Variants in GRM5 observed in about 807,000 individuals in gnomAD.
GRM5 encodes glutamate metabotropic receptor 5.
A neutral mutation model predicts 83.1 loss-of-function variants in GRM5; 19 were observed. The ratio of observed to expected loss-of-function variants is 0.23; its 90% CI spans 0.16 to 0.34. The LOEUF (loss-of-function observed/expected upper bound fraction) is 0.34, where lower values mean the gene tolerates loss of function less well. GRM5 is among the 10% of genes least tolerant of loss of function. GRM5 has a pLI of 1.00. For synonymous variants in GRM5, 675 were observed against 633.6 expected (o/e 1.07, Z -0.98); for missense variants, 1,160 against 1,588.3 (o/e 0.73, Z 4.58).
chr11:88,900,934 A>T (rs1945304325), intron 2 of GRM5, among the ~76,000 whole-genome samples: 1 of 152,190 alleles, frequency 6.6e-6, no homozygotes, highest in Non-Finnish European at 1.5e-5. Context: ...TATTCCTAGT[A>T]TTGCCAACTA....
chr11:88,828,242 A>G (rs1186562011), intron 3 of GRM5, among the ~76,000 whole-genome samples: 2 of 152,192 alleles, frequency 1.3e-5, no homozygotes, highest in Non-Finnish European at 2.9e-5. Flanking sequence ...TTTACTGTAA[A>G]TAAATGGCAA....
intron 3 of GRM5, among the ~76,000 whole-genome samples, chr11:88,806,961 G>A (rs996113224): frequency 2.6e-5 from 4 of 152,122 alleles, no homozygotes; most frequent in South Asian, 4.1e-4. Flanking sequence ...TTTAAGACTT[G>A]ATTCAAATAT....
rs369550591 is a variant in GRM5 at position 88,695,004 on chromosome 11, C to T, written c.912-41601G>A. ...GAGCTCTGAACTTAACCATATAAAA[C>T]ATGGCCTTGTACCAATTTAATGACT... On this transcript the variant is annotated intron_variant, in intron 3 of 9. Coordinates refer to ENST00000305447, the MANE Select transcript of GRM5 (RefSeq NM_001143831.3). Among the ~76,000 whole-genome samples, 12 of 152,250 alleles carry T rather than the reference C, an allele frequency of 7.9e-5. No homozygotes were observed. In the East Asian group the frequency reaches 1.7e-3, roughly 22 times the overall value.
At chr11:88,683,948 T>A (rs1279936110) in intron 3 of GRM5, among the ~76,000 whole-genome samples, 1 of 152,164 alleles carries the variant, frequency 6.6e-6, no homozygotes, top group Non-Finnish European at 1.5e-5. Flanking sequence ...TAGATAATAA[T>A]GCTGGAGGGG....
intron 3 of GRM5, among the ~76,000 whole-genome samples, chr11:88,704,706 C>G (rs1227973608): frequency 6.6e-6 from 1 of 152,040 alleles, no homozygotes; most frequent in Admixed American, 6.6e-5. Flanking sequence ...AAAGTGCTGT[C>G]CTTGGTGCTG....
intron 2 of GRM5, among the ~76,000 whole-genome samples, chr11:89,028,360 A>G (rs1248439961): frequency 6.6e-6 from 1 of 152,160 alleles, no homozygotes; most frequent in East Asian, 1.9e-4. Flanking sequence ...AGGTAGGAGG[A>G]TCACTTGTGT....
intron 3 of GRM5, among the ~76,000 whole-genome samples, chr11:88,776,761 T>G (rs949509705): frequency 2.0e-5 from 3 of 152,202 alleles, no homozygotes; most frequent in African/African-American, 7.2e-5. Flanking sequence ...ATGTTGAATA[T>G]TGGCCCCCAC....
chr11:88,882,272 T>TAAATAAATAAA (rs1565275314), intron 2 of GRM5, among the ~76,000 whole-genome samples: 2 of 43,436 alleles, frequency 4.6e-5, no homozygotes, highest in African/African-American at 2.3e-4. Flanking sequence ...AAATAAATAA[T>TAAATAAATAAA]AAAAAGAAAA....
intron 3 of GRM5, among the ~76,000 whole-genome samples, chr11:88,768,155 G>A (rs575611798): frequency 2.0e-5 from 3 of 152,090 alleles, no homozygotes; most frequent in African/African-American, 4.8e-5. Flanking sequence ...TGTTCAAAGT[G>A]TATTATTTGC....
intron 3 of GRM5, among the ~76,000 whole-genome samples, chr11:88,798,805 C>CAAAAAAAAAAAAAAAAAACAAA (rs1943330805): frequency 1.8e-5 from 1 of 55,400 alleles, no homozygotes; most frequent in Non-Finnish European, 3.2e-5. Flanking sequence ...ATGAAAACAC[C>CAAAAAAAAAAAAAAAAAACAAA]AAAAAAAAAA....
At chr11:89,042,293 T>A (rs1941553266) in intron 2 of GRM5, among the ~76,000 whole-genome samples, 1 of 152,074 alleles carries the variant, frequency 6.6e-6, no homozygotes, top group Middle Eastern at 3.2e-3. Context: ...AACAATGCAA[T>A]GGAGAGGTAG....
At chr11:88,670,508 G>A (rs1218071827) in intron 3 of GRM5, among the ~76,000 whole-genome samples, 1 of 149,804 alleles carries the variant, frequency 6.7e-6, no homozygotes, top group Non-Finnish European at 1.5e-5. Context: ...TGTGTGTTGT[G>A]TATACAGATG....
At chr11:88,907,671 A>C (rs1235145438) in intron 2 of GRM5, among the ~76,000 whole-genome samples, 1 of 152,162 alleles carries the variant, frequency 6.6e-6, no homozygotes, top group Non-Finnish European at 1.5e-5. Context: ...CTTAATCGTG[A>C]ACACCAGAGC....
Position 88,867,512 on chromosome 11 carries a change from A to G in GRM5, c.662-17357T>C, listed in dbSNP as rs144004299. On this transcript the variant is annotated intron_variant, in intron 2 of 9. Transcript: ENST00000305447. ...TAACTTCTTAGTGTCATGTCAGAGC[A>G]CTGCTGGCTTTTGTTATAGGCCAAA... is the stretch of plus-strand genomic sequence containing the variant. 4.3e-3 allele frequency among the ~76,000 whole-genome samples: 660 copies of G among 151,818 alleles called. 5 individuals are homozygous for G. Among genetic ancestry groups the G allele is most frequent in the African/African-American group, 0.015 (620 of 41,490 alleles).
chr11:89,009,798 G>A (rs1421509065), intron 2 of GRM5, among the ~76,000 whole-genome samples: 4 of 149,044 alleles, frequency 2.7e-5, no homozygotes, highest in African/African-American at 7.4e-5. Flanking sequence ...CTACTCGGGA[G>A]GCTGAGGCAG....
At chr11:88,828,489 G>A (rs11021489) in intron 3 of GRM5, among the ~76,000 whole-genome samples, 3,879 of 151,712 alleles carry the variant, frequency 0.026, 174 homozygotes, top group African/African-American at 0.089. Flanking sequence ...ATCATGACAG[G>A]ACAATATAAG....
chr11:88,896,124 C>G (rs368870776), intron 2 of GRM5, among the ~76,000 whole-genome samples: 1 of 151,838 alleles, frequency 6.6e-6, no homozygotes, highest in Non-Finnish European at 1.5e-5. Context: ...ACAATAACTA[C>G]TCCATTTCAT....
At chr11:88,748,435 C>A (rs564348314) in intron 3 of GRM5, among the ~76,000 whole-genome samples, 2 of 152,240 alleles carry the variant, frequency 1.3e-5, no homozygotes, top group East Asian at 3.9e-4. Flanking sequence ...GGGTTGAGGT[C>A]TTCCTGAGAT....
intron 2 of GRM5, among the ~76,000 whole-genome samples, chr11:89,015,353 T>C (rs1940824493): frequency 6.6e-6 from 1 of 152,196 alleles, no homozygotes; most frequent in South Asian, 2.1e-4. Context: ...TAACACATGC[T>C]ATCACCTTGG....
Sources: allele counts gnomAD v4.1 joint callset (sites outside exome capture counted in the v4.1 genomes callset), GRCh38; gene constraint gnomAD v4.1.1; transcripts MANE v1.5; gene names NCBI Gene and HGNC (gene_info 2026-07-23, HGNC 2026-07-21).